Variants in MAP3K20 observed in about 807,000 individuals in gnomAD.
The protein encoded by MAP3K20 is mitogen-activated protein kinase kinase kinase 20.
A neutral mutation model predicts 85.7 loss-of-function variants in MAP3K20; 40 were observed. The observed-to-expected ratio is 0.47, with a 90% CI of 0.36 to 0.61. The LOEUF (loss-of-function observed/expected upper bound fraction) is 0.61. MAP3K20 is among the 20% of genes least tolerant of loss of function. The pLI, the probability that MAP3K20 is intolerant of heterozygous loss-of-function variation, is 0.00. For synonymous variants in MAP3K20, 325 were observed against 327.7 expected (o/e 0.99, Z 0.09); for missense variants, 817 against 961.7 (o/e 0.85, Z 1.99).
intron 16 of MAP3K20, among the ~76,000 whole-genome samples, chr2:173,255,846 A>AG (rs1685145102): frequency 6.6e-6 from 1 of 151,930 alleles, no homozygotes; most frequent in Non-Finnish European, 1.5e-5. Context: ...TGCTGCCTTG[A>AG]GGAGGTTCTT....
intron 2 of MAP3K20, among the ~76,000 whole-genome samples, chr2:173,134,418 A>ATTTTTTT (rs1559246078): frequency 4.9e-4 from 3 of 6,146 alleles, no homozygotes; most frequent in Non-Finnish European, 6.8e-4. Context: ...ATATATATAT[A>ATTTTTTT]TATATATATA....
chr2:173,266,030 C>A lies in MAP3K20; in HGVS notation c.1703-20C>A, dbSNP rs767077940. 15 of 1,545,386 alleles carry A rather than the reference C, an allele frequency of 9.7e-6. No individual in the cohort carries two copies. The highest frequency in any genetic ancestry group is 1.2e-5 in the South Asian group (1 of 83,854). ...GCTTTAGTGTGGCTTAAAAGATGCT[C>A]ATTTCCATTTCTCCCGCAGGTGCTG... On this transcript the variant is annotated intron_variant, in intron 19 of 19. Transcript: ENST00000375213.
chr2:173,121,742 C>G (rs1688300212), intron 2 of MAP3K20, among the ~76,000 whole-genome samples: 1 of 152,020 alleles, frequency 6.6e-6, no homozygotes, highest in African/African-American at 2.4e-5. Flanking sequence ...TGGATGCCCC[C>G]CCGCCGCCCA....
At chr2:173,118,619 G>A (rs577768535) in intron 2 of MAP3K20, among the ~76,000 whole-genome samples, 114 of 152,180 alleles carry the variant, frequency 7.5e-4, no homozygotes, top group African/African-American at 2.7e-3. Context: ...ATGATCTTAC[G>A]GCATAAAGTA....
At chr2:173,180,932 A>T (rs1690306230) in intron 3 of MAP3K20, among the ~76,000 whole-genome samples, 1 of 152,202 alleles carries the variant, frequency 6.6e-6, no homozygotes, top group African/African-American at 2.4e-5. Flanking sequence ...TTGAAACATG[A>T]TCTTAAGAGA....
chr2:173,084,424 C>CAAAA (rs60463346), intron 1 of MAP3K20, among the ~76,000 whole-genome samples: 11 of 136,554 alleles, frequency 8.1e-5, no homozygotes, highest in African/African-American at 2.1e-4. Flanking sequence ...CCAAAAAGTG[C>CAAAA]AAAAAAAAAA....
intron 3 of MAP3K20, among the ~76,000 whole-genome samples, chr2:173,182,500 T>G (rs1268762627): frequency 6.6e-6 from 1 of 152,252 alleles, no homozygotes; most frequent in Non-Finnish European, 1.5e-5. Context: ...GTCTGATTTA[T>G]GCATTTAATA....
intron 8 of MAP3K20, 51 bp from the exon 9 acceptor site, chr2:173,203,745 A>G: frequency 7.2e-7 from 1 of 1,395,324 alleles, no homozygotes; most frequent in Non-Finnish European, 1.0e-6. Flanking sequence ...TGCTGACATT[A>G]ATGAATAAAT....
chr2:173,140,212 A>G (rs1688929032), intron 2 of MAP3K20, among the ~76,000 whole-genome samples: 1 of 152,038 alleles, frequency 6.6e-6, no homozygotes, highest in South Asian at 2.1e-4. Context: ...GGATTTTGCC[A>G]TGTTGGCCAG....
intron 11 of MAP3K20, chr2:173,223,259 A>C (rs1684299776): frequency 1.0e-6 from 1 of 984,086 alleles, no homozygotes; most frequent in Non-Finnish European, 1.2e-6. Flanking sequence ...TGTCACTCAG[A>C]ATCCTGGGCT....
rs374891742 is a variant in MAP3K20 at position 173,266,125 on chromosome 2, G to A, written c.1778G>A (p.Ser593Asn). 2.5e-6 allele frequency: 4 copies of A among 1,612,714 alleles called. No individual in the cohort carries two copies. The highest frequency in any genetic ancestry group is 1.3e-5 in the African/African-American group (1 of 74,898). Reference sequence around the variant, plus strand: ...AACACTTCTTTACAGCGTTCCCAGAGCAATCCTATTCTGGGGTCACCGTTC... The same window carrying A: ...AACACTTCTTTACAGCGTTCCCAGAACAATCCTATTCTGGGGTCACCGTTC... ...ASNTSLQRSQ[S>N]NPILGSPFFS... The change falls in exon 20 of 20, where the codon AGC (serine) becomes AAC (asparagine). Residue 593 changes from serine to asparagine, a missense_variant. By Grantham distance (46) the Ser-to-Asn change is conservative. Coordinates refer to ENST00000375213, the MANE Select transcript of MAP3K20 (RefSeq NM_016653.3).
chr2:173,140,227 G>A (rs538627024), intron 2 of MAP3K20, among the ~76,000 whole-genome samples: 1 of 152,164 alleles, frequency 6.6e-6, no homozygotes, highest in South Asian at 2.1e-4. Context: ...GGCCAGGCTG[G>A]TCTCAAACTC....
chr2:173,121,963 G>A (rs112511420), intron 2 of MAP3K20, among the ~76,000 whole-genome samples: 1 of 152,308 alleles, frequency 6.6e-6, no homozygotes, highest in African/African-American at 2.4e-5. Flanking sequence ...TGGCTGGGAA[G>A]GAGGCTGAAT....
intron 1 of MAP3K20, among the ~76,000 whole-genome samples, chr2:173,080,384 T>A (rs932857743): frequency 5.3e-5 from 8 of 152,170 alleles, no homozygotes; most frequent in African/African-American, 1.9e-4. Flanking sequence ...TGTCACAGCC[T>A]GGGTAATTTA....
intron 16 of MAP3K20, among the ~76,000 whole-genome samples, chr2:173,249,305 T>C (rs1684991164): frequency 6.6e-6 from 1 of 152,166 alleles, no homozygotes; most frequent in Non-Finnish European, 1.5e-5. Context: ...GCTTCTGTTT[T>C]CTAAACCAAA....
chr2:173,092,262 G>T (rs1172618746), intron 2 of MAP3K20, among the ~76,000 whole-genome samples: 1 of 152,218 alleles, frequency 6.6e-6, no homozygotes, highest in East Asian at 1.9e-4. Flanking sequence ...AAGACATTAA[G>T]AAAGGAGAGC....
chr2:173,085,554 G>A (rs1034346793), intron 1 of MAP3K20, among the ~76,000 whole-genome samples: 3 of 152,132 alleles, frequency 2.0e-5, no homozygotes, highest in Admixed American at 6.5e-5. Flanking sequence ...GTAGTGAAAT[G>A]ATTGGATTCA....
chr2:173,161,912 G>T (rs1407904410), intron 2 of MAP3K20, among the ~76,000 whole-genome samples: 1 of 152,176 alleles, frequency 6.6e-6, no homozygotes, highest in Non-Finnish European at 1.5e-5. Context: ...GGTAAGGAAA[G>T]AGCTTCACTT....
chr2:173,083,154 A>T (rs1357330205), intron 1 of MAP3K20, among the ~76,000 whole-genome samples: 1 of 152,172 alleles, frequency 6.6e-6, no homozygotes, highest in African/African-American at 2.4e-5. Flanking sequence ...AACAATGGCT[A>T]TTCTGTTTTT....
Sources: allele counts gnomAD v4.1 joint callset (sites outside exome capture counted in the v4.1 genomes callset), GRCh38; gene constraint gnomAD v4.1.1; transcripts MANE v1.5; gene names NCBI Gene and HGNC (gene_info 2026-07-23, HGNC 2026-07-21).